Variants in NCAM2 observed in about 807,000 individuals in gnomAD.
The protein encoded by NCAM2 is N-CAM-2.
In NCAM2, 30 loss-of-function variants were observed where a neutral mutation model predicts 98.1. The ratio of observed to expected loss-of-function variants is 0.31; its 90% CI spans 0.23 to 0.41. The LOEUF (loss-of-function observed/expected upper bound fraction) is 0.41. Among genes scored for constraint, NCAM2 ranks in the 10% least tolerant of loss-of-function variants. NCAM2 has a pLI of 1.00. For missense variants in NCAM2, 867 were observed against 1,005.8 expected, an observed-to-expected ratio of 0.86 and a Z score of 1.87; for synonymous variants, 368 against 342.4, an observed-to-expected ratio of 1.07 and a Z score of -0.83.
At chr21:21,058,301 A>G (rs1361329026) in intron 1 of NCAM2, among the ~76,000 whole-genome samples, 1 of 152,104 alleles carries the variant, frequency 6.6e-6, no homozygotes, top group Non-Finnish European at 1.5e-5. Context: ...GTGTGTGTGC[A>G]TATGTATGTG....
intron 1 of NCAM2, among the ~76,000 whole-genome samples, chr21:21,234,843 A>C (rs935037858): frequency 6.6e-6 from 1 of 152,048 alleles, no homozygotes. Context: ...GAGAATTTAA[A>C]TGAATGATGA....
chr21:21,007,668 G>A (rs1213991883), intron 1 of NCAM2, among the ~76,000 whole-genome samples: 5 of 152,070 alleles, frequency 3.3e-5, no homozygotes, highest in Admixed American at 1.3e-4. Flanking sequence ...ATGTGAATGC[G>A]TTGTAACTAA....
intron 1 of NCAM2, among the ~76,000 whole-genome samples, chr21:21,078,993 T>G (rs2065737767): frequency 6.6e-6 from 1 of 151,614 alleles, no homozygotes; most frequent in African/African-American, 2.4e-5. Flanking sequence ...AGTGAGACCA[T>G]ATGGAAACAG....
chr21:21,211,026 G>T (rs13053032), intron 1 of NCAM2, among the ~76,000 whole-genome samples: 47,267 of 139,964 alleles, frequency 0.34, 8,761 homozygotes, highest in Non-Finnish European at 0.43. Context: ...ACACACACGG[G>T]TTAGTATTAT....
intron 1 of NCAM2, among the ~76,000 whole-genome samples, chr21:21,147,739 A>G (rs1018359027): frequency 1.3e-5 from 2 of 148,772 alleles, no homozygotes; most frequent in African/African-American, 4.9e-5. Flanking sequence ...ATAGTAATAT[A>G]AAAGCGTACA....
At chr21:21,304,135 T>C (rs895937140) in intron 5 of NCAM2, among the ~76,000 whole-genome samples, 4 of 152,156 alleles carry the variant, frequency 2.6e-5, no homozygotes, top group African/African-American at 9.6e-5. Flanking sequence ...TCTTTTTTCA[T>C]ATGAATCATG....
At chr21:21,158,918 A>G (rs1208751420) in intron 1 of NCAM2, among the ~76,000 whole-genome samples, 1 of 152,128 alleles carries the variant, frequency 6.6e-6, no homozygotes, top group African/African-American at 2.4e-5. Context: ...AAAGAGCCTC[A>G]AACAAGTTCA....
At chr21:21,257,833 G>A (rs888271601) in intron 1 of NCAM2, among the ~76,000 whole-genome samples, 3 of 152,228 alleles carry the variant, frequency 2.0e-5, no homozygotes, top group East Asian at 1.9e-4. Context: ...TGCCCGCCTC[G>A]GGCTTCCAAA....
chr21:21,473,726 A>G (rs553177020), intron 14 of NCAM2, among the ~76,000 whole-genome samples: 2 of 152,096 alleles, frequency 1.3e-5, no homozygotes, highest in African/African-American at 4.8e-5. Context: ...GTTTCTTGTT[A>G]TGAATAAAAG....
intron 5 of NCAM2, among the ~76,000 whole-genome samples, chr21:21,306,572 A>T (rs537186805): frequency 6.6e-6 from 1 of 152,222 alleles, no homozygotes; most frequent in South Asian, 2.1e-4. Context: ...TTGAGGGAAC[A>T]TAGTAGGCAT....
At chr21:21,420,374 T>A (rs2077086617) in intron 11 of NCAM2, among the ~76,000 whole-genome samples, 1 of 152,124 alleles carries the variant, frequency 6.6e-6, no homozygotes, top group East Asian at 1.9e-4. Flanking sequence ...TTTACAAGAC[T>A]GATAAGGAAT....
At position 21,400,187 on chromosome 21, in the gene NCAM2, A is replaced by T. The variant is rs541624906; in HGVS notation, c.1196-10087A>T. Among the ~76,000 whole-genome samples the T allele has an allele frequency of 1.1e-3, 172 of 152,308 alleles. 1 individual carries two copies. Among genetic ancestry groups the T allele is most frequent in the Admixed American group, 3.3e-3 (51 of 15,298 alleles). ...ACATTGAGGAAGGTGACACATTCAG[A>T]TGCTGGCATATGTTACTGTTTCATG... On this transcript the variant is annotated intron_variant, in intron 9 of 17. Coordinates refer to ENST00000400546, the MANE Select transcript of NCAM2 (RefSeq NM_004540.5).
At chr21:21,265,836 A>G (rs772904858) in intron 1 of NCAM2, among the ~76,000 whole-genome samples, 22 of 152,092 alleles carry the variant, frequency 1.4e-4, no homozygotes, top group Non-Finnish European at 2.4e-4. Context: ...TGATGGGCTC[A>G]AACCCAAACC....
chr21:21,332,183 C>T (rs2074732650), intron 6 of NCAM2, among the ~76,000 whole-genome samples: 1 of 152,152 alleles, frequency 6.6e-6, no homozygotes, highest in Admixed American at 6.5e-5. Flanking sequence ...GATAGGATTA[C>T]AGGTGTGAGC....
chr21:21,455,782 A>G (rs1431629344), intron 12 of NCAM2, among the ~76,000 whole-genome samples: 1 of 152,038 alleles, frequency 6.6e-6, no homozygotes, highest in East Asian at 1.9e-4. Flanking sequence ...AGCAACAACA[A>G]AGGACAGAAA....
chr21:21,530,415 G>T (rs772387392), intron 16 of NCAM2, among the ~76,000 whole-genome samples: 1 of 148,320 alleles, frequency 6.7e-6, no homozygotes, highest in African/African-American at 2.5e-5. Context: ...TCAAAGAAAT[G>T]TAAAAAGTAG....
chr21:21,440,794 T>C (rs1168895729), intron 12 of NCAM2, among the ~76,000 whole-genome samples: 1 of 152,124 alleles, frequency 6.6e-6, no homozygotes, highest in Non-Finnish European at 1.5e-5. Context: ...AAAGTTCATA[T>C]CATTTTTACC....
At chr21:21,357,910 T>C (rs2075537047) in intron 8 of NCAM2, among the ~76,000 whole-genome samples, 1 of 152,110 alleles carries the variant, frequency 6.6e-6, no homozygotes, top group Non-Finnish European at 1.5e-5. Flanking sequence ...GGAACAATAA[T>C]ATGTTTGTTC....
At chr21:21,100,149 C>A (rs903270931) in intron 1 of NCAM2, among the ~76,000 whole-genome samples, 6 of 151,800 alleles carry the variant, frequency 4.0e-5, no homozygotes, top group African/African-American at 2.4e-5. Context: ...GTGGCAGAAA[C>A]CACAGTTTAA....
Sources: allele counts gnomAD v4.1 joint callset (sites outside exome capture counted in the v4.1 genomes callset), GRCh38; gene constraint gnomAD v4.1.1; transcripts MANE v1.5; gene names NCBI Gene and HGNC (gene_info 2026-07-23, HGNC 2026-07-21).